ROBO2: variants seen among roughly 807,000 people sequenced by gnomAD.
The protein encoded by ROBO2 is roundabout homolog 2.
Under a neutral mutation model 160.8 loss-of-function variants are expected in ROBO2, and 53 were observed. The ratio of observed to expected loss-of-function variants is 0.33; its 90% CI spans 0.26 to 0.41. ROBO2 has a LOEUF of 0.41. ROBO2 is among the 10% of genes least tolerant of loss of function. ROBO2 has a pLI of 1.00. For synonymous variants in ROBO2, 664 were observed against 611.7 expected, an observed-to-expected ratio of 1.09 and a Z score of -1.26; for missense variants, 1,577 against 1,722.4, an observed-to-expected ratio of 0.92 and a Z score of 1.49.
At chr3:76,204,721 G>T (rs1702716532) in intron 2 of ROBO2, among the ~76,000 whole-genome samples, 1 of 152,150 alleles carries the variant, frequency 6.6e-6, no homozygotes, top group Non-Finnish European at 1.5e-5. Flanking sequence ...TGAGCATTTT[G>T]TCTCCTATTG....
At chr3:76,121,537 G>A (rs2070753564) in intron 2 of ROBO2, among the ~76,000 whole-genome samples, 1 of 152,042 alleles carries the variant, frequency 6.6e-6, no homozygotes, top group African/African-American at 2.4e-5. Context: ...TAACAGTTCT[G>A]GATCAAACCT....
At chr3:77,392,317 C>T (rs553918732) in intron 2 of ROBO2, among the ~76,000 whole-genome samples, 2 of 152,182 alleles carry the variant, frequency 1.3e-5, no homozygotes, top group South Asian at 4.1e-4. Context: ...TTTCTGTCAC[C>T]CTTGACAAAT....
chr3:77,572,632 T>C lies in ROBO2; in HGVS notation c.1972-1867T>C, dbSNP rs922961439. 1.5e-4 allele frequency among the ~76,000 whole-genome samples: 15 copies of C among 102,900 alleles called. No homozygotes were observed. The East Asian group carries it at 3.5e-3, about 24-fold the overall frequency. The allele number at this position is 102,900 out of a possible 152,430, so 67.5% of individuals were successfully genotyped here. On this transcript the variant is annotated intron_variant, in intron 13 of 25. Coordinates refer to ENST00000461745, the Ensembl canonical transcript of ROBO2. ...CTGGGAAACTGGAATTAGCCGTACA[T>C]AGAAACACACACACACACACACACA...
chr3:77,107,095 A>G (rs1043641157), intron 2 of ROBO2, among the ~76,000 whole-genome samples: 2 of 152,190 alleles, frequency 1.3e-5, no homozygotes, highest in African/African-American at 4.8e-5. Flanking sequence ...GAGAGCCAGC[A>G]TGGCTGGGTT....
chr3:77,204,744 C>T (rs2083252385), intron 2 of ROBO2, among the ~76,000 whole-genome samples: 1 of 152,180 alleles, frequency 6.6e-6, no homozygotes, highest in Admixed American at 6.5e-5. Flanking sequence ...AATGTGTCCA[C>T]CACAACAAAA....
intron 2 of ROBO2, among the ~76,000 whole-genome samples, chr3:77,146,875 A>G (rs1398580201): frequency 2.0e-5 from 3 of 152,118 alleles, no homozygotes; most frequent in Non-Finnish European, 4.4e-5. Flanking sequence ...ATTGAGGCAC[A>G]AGAATCACTT....
intron 2 of ROBO2, among the ~76,000 whole-genome samples, chr3:76,471,043 T>G (rs923147285): frequency 2.6e-5 from 4 of 152,162 alleles, no homozygotes; most frequent in African/African-American, 9.6e-5. Context: ...TTATTCATTC[T>G]TTACAATATA....
intron 1 of ROBO2, among the ~76,000 whole-genome samples, chr3:77,045,104 G>A (rs963065571): frequency 1.3e-5 from 2 of 152,144 alleles, no homozygotes; most frequent in African/African-American, 2.4e-5. Context: ...TGAGCCAGCT[G>A]TAGGCTTTTC....
intron 2 of ROBO2, among the ~76,000 whole-genome samples, chr3:77,157,321 G>T: frequency 7.5e-6 from 1 of 133,442 alleles, no homozygotes; most frequent in East Asian, 2.0e-4. Flanking sequence ...ATAATTGAAA[G>T]GTTAAAATAT....
At chr3:76,345,561 G>A (rs979201520) in intron 2 of ROBO2, among the ~76,000 whole-genome samples, 3 of 150,532 alleles carry the variant, frequency 2.0e-5, no homozygotes, top group Non-Finnish European at 4.4e-5. Flanking sequence ...CCCTAGCTGT[G>A]ATCTGATGAA....
rs79553302 is a variant in ROBO2, at chr3:76,067,676, T to C, written c.109+130074T>C. The stretch of plus-strand genomic sequence containing the variant: ...TTTCTTCCAATTACGAAGTAGGAAA[T>C]GTATTTTTTTTGTAAACTTTCACCA... On this transcript the variant is annotated intron_variant, in intron 2 of 26. Transcript: ENST00000487694. 7.2e-3 allele frequency among the ~76,000 whole-genome samples: 1,097 copies of C among 152,266 alleles called. 65 individuals are homozygous for C. In the East Asian group the frequency reaches 0.15, roughly 21 times the overall value.
intron 2 of ROBO2, among the ~76,000 whole-genome samples, chr3:76,830,625 C>T (rs1195064543): frequency 6.6e-6 from 1 of 151,964 alleles, no homozygotes; most frequent in African/African-American, 2.4e-5. Context: ...TGACTTTCCA[C>T]ATGTTGTTTT....
chr3:77,090,683 G>A (rs1346906046), intron 1 of ROBO2, among the ~76,000 whole-genome samples: 3 of 151,926 alleles, frequency 2.0e-5, no homozygotes, highest in East Asian at 3.9e-4. Context: ...TTGATGTCCT[G>A]ATCTACCTGT....
At chr3:76,592,744 G>T (rs2086495458) in intron 2 of ROBO2, among the ~76,000 whole-genome samples, 1 of 152,014 alleles carries the variant, frequency 6.6e-6, no homozygotes, top group Non-Finnish European at 1.5e-5. Flanking sequence ...TCTACTCGGG[G>T]TGTTCAAACC....
chr3:76,511,293 T>C (rs1030189279), intron 2 of ROBO2, among the ~76,000 whole-genome samples: 3 of 152,194 alleles, frequency 2.0e-5, no homozygotes, highest in African/African-American at 7.2e-5. Context: ...TCTTTCCAGT[T>C]CATTGTTATG....
chr3:77,376,957 G>A (rs1187537362), intron 2 of ROBO2, among the ~76,000 whole-genome samples: 1 of 152,120 alleles, frequency 6.6e-6, no homozygotes, highest in East Asian at 1.9e-4. Flanking sequence ...ATGACAAAGT[G>A]TCACCTAAAA....
chr3:76,589,987 G>A (rs1265789419), intron 2 of ROBO2, among the ~76,000 whole-genome samples: 5 of 152,050 alleles, frequency 3.3e-5, no homozygotes, highest in Admixed American at 3.3e-4. Flanking sequence ...ACAATTAAAT[G>A]TATGTTCCGG....
chr3:76,193,981 A>G (rs1702127251), intron 2 of ROBO2, among the ~76,000 whole-genome samples: 1 of 152,130 alleles, frequency 6.6e-6, no homozygotes, highest in East Asian at 1.9e-4. Context: ...AAACAGTTCA[A>G]GTTCTCACAG....
chr3:76,812,619 TTCTC>T (rs2065290002), intron 2 of ROBO2, among the ~76,000 whole-genome samples: 1 of 152,006 alleles, frequency 6.6e-6, no homozygotes. Context: ...TTTTTAATCT[TTCTC>T]TCAGAAAGAA....
Sources: gnomAD v4.1 joint callset for allele counts (sites outside exome capture counted in the v4.1 genomes callset) on GRCh38, gnomAD v4.1.1 for gene constraint, MANE v1.5 for transcripts, NCBI Gene and HGNC (gene_info 2026-07-23, HGNC 2026-07-21) for gene names.